The following PPP2R5A variants were observed in gnomAD, a reference collection of about 807,000 sequenced individuals.
PPP2R5A encodes the protein serine/threonine-protein phosphatase 2A 56 kDa regulatory subunit alpha isoform.
A neutral mutation model predicts 64.2 loss-of-function variants in PPP2R5A; 25 were observed. The ratio of observed to expected loss-of-function variants is 0.39; its 90% CI spans 0.28 to 0.54. PPP2R5A has a LOEUF of 0.54. Ranked by LOEUF, PPP2R5A falls within the 20% of genes least tolerant of loss-of-function variation. PPP2R5A has a pLI of 0.67. For synonymous variants in PPP2R5A, 198 were observed against 201.2 expected (o/e 0.98, Z 0.13); for missense variants, 425 against 576.3 (o/e 0.74, Z 2.69).
At chr1:212,352,354 C>G (rs762601380) in intron 8 of PPP2R5A, among the ~76,000 whole-genome samples, 6 of 151,818 alleles carry the variant, frequency 4.0e-5, no homozygotes, top group Non-Finnish European at 8.8e-5. Flanking sequence ...TTGGGGGCCA[C>G]TAGTCAACCC....
intron 1 of PPP2R5A, among the ~76,000 whole-genome samples, chr1:212,308,743 T>C (rs1449041112): frequency 6.6e-6 from 1 of 152,180 alleles, no homozygotes; most frequent in Non-Finnish European, 1.5e-5. Flanking sequence ...CCTATAGGTC[T>C]CTGAAGTTCT....
intron 1 of PPP2R5A, among the ~76,000 whole-genome samples, chr1:212,290,501 T>C (rs1225069352): frequency 1.3e-5 from 2 of 152,232 alleles, no homozygotes; most frequent in Non-Finnish European, 2.9e-5. Flanking sequence ...AGATATCTCT[T>C]CTGGAAGATT....
In PPP2R5A at chr1:212,342,294, T is replaced by C. The variant is rs1659699229; in HGVS notation, c.573+14T>C. The C allele has an allele frequency of 6.2e-7, 1 of 1,608,802 alleles. No homozygotes were observed. Among genetic ancestry groups the C allele is most frequent in the African/African-American group, 1.3e-5 (1 of 74,758 alleles). On this transcript the variant is annotated intron_variant, in intron 4 of 12. Coordinates refer to ENST00000261461, the MANE Select transcript of PPP2R5A (RefSeq NM_006243.4). ...TTCGTACAACAGGTAAGGAACTCTT[T>C]TGTCTTAGATTCTCATATATTCATC...
intron 1 of PPP2R5A, among the ~76,000 whole-genome samples, chr1:212,321,104 C>T (rs574940097): frequency 8.5e-5 from 11 of 129,792 alleles, no homozygotes; most frequent in East Asian, 2.5e-4. Flanking sequence ...GGCGGCTGGC[C>T]GGGCAGAGGG....
intron 1 of PPP2R5A, among the ~76,000 whole-genome samples, chr1:212,293,554 C>A (rs778768202): frequency 4.5e-4 from 69 of 152,308 alleles, no homozygotes; most frequent in Middle Eastern, 6.8e-3. Context: ...GACTAATAAG[C>A]AGTTTCAAGC....
At chr1:212,306,305 C>CT (rs1231230415) in intron 1 of PPP2R5A, among the ~76,000 whole-genome samples, 1 of 151,370 alleles carries the variant, frequency 6.6e-6, no homozygotes, top group Non-Finnish European at 1.5e-5. Context: ...TGTGGCGTGC[C>CT]TGGGCATTTA....
intron 1 of PPP2R5A, among the ~76,000 whole-genome samples, chr1:212,321,345 G>C (rs1429298734): frequency 2.0e-5 from 3 of 148,290 alleles, no homozygotes; most frequent in South Asian, 4.3e-4. Context: ...CCTTCCGGAC[G>C]GGGCGGCTGG....
Position 212,360,708 on chromosome 1 carries a change from C to A in PPP2R5A, c.1399C>A (p.Leu467Ile). The A allele has an allele frequency of 6.3e-7, 1 of 1,597,912 alleles. No homozygotes were observed. Among genetic ancestry groups the A allele is most frequent in the South Asian group, 1.1e-5 (1 of 88,246 alleles). ...AGAGGAGCTAAAGCTAAAGAAAGCT[C>A]TAGAAAAACAGAATAGTGCTTACAA... Reference protein sequence around the residue: ...KLEELKLKKALEKQNSAYNMH... With the variant: ...KLEELKLKKAIEKQNSAYNMH... The change falls in exon 13 of 13, where the codon CTA becomes ATA. Residue 467 changes from leucine (L) to isoleucine (I), a missense_variant. Around this residue, in one of 4 missense-constraint regions of PPP2R5A, gnomAD observed 177 missense variants for 244.8 expected, o/e 0.72. Transcript: ENST00000261461.
At chr1:212,326,808 A>G (rs1295936752) in intron 1 of PPP2R5A, among the ~76,000 whole-genome samples, 2 of 152,248 alleles carry the variant, frequency 1.3e-5, no homozygotes, top group African/African-American at 4.8e-5. Flanking sequence ...CATAGCCACA[A>G]ATGAACTGCA....
chr1:212,327,463 G>A (rs1256666444), intron 1 of PPP2R5A, among the ~76,000 whole-genome samples: 1 of 152,212 alleles, frequency 6.6e-6, no homozygotes. Flanking sequence ...GGCCCAGGCT[G>A]GAGTGCAGTG....
intron 1 of PPP2R5A, chr1:212,301,819 T>G (rs1234507506): frequency 8.2e-7 from 1 of 1,215,012 alleles, no homozygotes; most frequent in African/African-American, 1.6e-5. Context: ...ATACAGTGCT[T>G]GTTCTATAAT....
In PPP2R5A at chr1:212,297,128, TTTTTTTTTTTG is replaced by T. The variant is rs1489080520; in HGVS notation, c.181+10838_181+10848del. ...TTTTTTTTTTTTTTTTTTTTTTTTT[TTTTTTTTTTTG>T]GAGACGGAGTCTCACTCTATCGCCC... On this transcript the variant is annotated intron_variant, in intron 1 of 12. Coordinates refer to ENST00000261461, the MANE Select transcript of PPP2R5A (RefSeq NM_006243.4). Among the ~76,000 whole-genome samples the T allele has an allele frequency of 8.9e-3, 104 of 11,622 alleles. 25 individuals are homozygous for T. Among genetic ancestry groups the T allele is most frequent in the African/African-American group, 0.053 (98 of 1,852 alleles). 7.6% of individuals were successfully genotyped at this position (11,622 alleles called of 152,430 possible).
intron 3 of PPP2R5A, among the ~76,000 whole-genome samples, chr1:212,335,029 T>C (rs1177193132): frequency 6.6e-6 from 1 of 152,210 alleles, no homozygotes; most frequent in Non-Finnish European, 1.5e-5. Flanking sequence ...TGTATGTTGC[T>C]ATACTTGATG....
At chr1:212,321,539 T>C (rs1301551992) in intron 1 of PPP2R5A, among the ~76,000 whole-genome samples, 6 of 145,644 alleles carry the variant, frequency 4.1e-5, no homozygotes, top group Non-Finnish European at 9.0e-5. Flanking sequence ...GAGGGTCTCC[T>C]CACTTCTCAG....
At chr1:212,358,956 G>A (rs1398392502) in intron 12 of PPP2R5A, among the ~76,000 whole-genome samples, 169 bp downstream of exon 12, 2 of 152,108 alleles carry the variant, frequency 1.3e-5, no homozygotes, top group Admixed American at 6.5e-5. Flanking sequence ...GTCATTTCCA[G>A]ATAAACTAGC....
At chr1:212,287,556 TCA>T (rs1658526102) in intron 1 of PPP2R5A, among the ~76,000 whole-genome samples, 2 of 152,234 alleles carry the variant, frequency 1.3e-5, no homozygotes, top group South Asian at 4.1e-4. Flanking sequence ...TCATGACATC[TCA>T]CAGTTAGAAT....
intron 8 of PPP2R5A, among the ~76,000 whole-genome samples, chr1:212,351,952 A>AT (rs898548766): frequency 1.4e-5 from 2 of 147,816 alleles, no homozygotes; most frequent in East Asian, 2.0e-4. Context: ...CCCCAAAATA[A>AT]TTTTTTTATT....
intron 1 of PPP2R5A, among the ~76,000 whole-genome samples, chr1:212,294,027 T>G (rs574531164): frequency 6.6e-6 from 1 of 152,316 alleles, no homozygotes; most frequent in East Asian, 1.9e-4. Flanking sequence ...ACCATTTAGA[T>G]AATAGCTAAA....
At chr1:212,328,953 A>G (rs1659453399) in intron 1 of PPP2R5A, among the ~76,000 whole-genome samples, 182 bp from the exon 2 acceptor site, 1 of 152,188 alleles carries the variant, frequency 6.6e-6, no homozygotes, top group African/African-American at 2.4e-5. Context: ...GATTGTGAGT[A>G]ATGAGGGAGA....
Sources: gnomAD v4.1 joint callset for allele counts (sites outside exome capture counted in the v4.1 genomes callset) on GRCh38, gnomAD v4.1.1 for gene constraint, gnomAD v4.1.1 regional missense constraint, MANE v1.5 for transcripts, NCBI Gene and HGNC (gene_info 2026-07-23, HGNC 2026-07-21) for gene names.